Variants in TSLP observed in about 807,000 individuals in gnomAD.
TSLP encodes the protein thymic stroma-derived lymphopoietin.
TSLP carries 12 observed loss-of-function variants against 12.4 expected under a neutral mutation model. That is an observed-to-expected ratio of 0.97 (90% confidence interval 0.62 to 1.57). TSLP has a LOEUF of 1.57. Among genes scored for constraint, TSLP ranks in the 40% most tolerant of loss-of-function variants. The pLI, the probability that TSLP is intolerant of heterozygous loss-of-function variation, is 0.00. For missense variants in TSLP, 222 were observed against 189.6 expected (o/e 1.17, Z -1.00); for synonymous variants, 97 against 69.5 (o/e 1.40, Z -1.97).
In TSLP at chr5:111,076,637, C is replaced by T. The variant is rs1752514493; in HGVS notation, c.*563C>T. 2 of 152,428 alleles carry T rather than the reference C, an allele frequency of 1.3e-5. No individual in the cohort carries two copies. Among genetic ancestry groups the T allele is most frequent in the South Asian group, 4.1e-4 (2 of 4,842 alleles). 9.4% of individuals were successfully genotyped at this position (152,428 alleles called of 1,614,324 possible). A position where few individuals can be genotyped will look rare whatever the true frequency, so the allele number is the denominator to read the frequency against. On this transcript the variant is annotated 3_prime_UTR_variant, in exon 4 of 4. Transcript: ENST00000344895. ...ATCTAACAGACAAGAGTGGTATATACAAGTAGATCCTGAGAAGTACCTTTG... is the reference window on the plus strand; with the variant it reads ...ATCTAACAGACAAGAGTGGTATATATAAGTAGATCCTGAGAAGTACCTTTG...
intron 3 of TSLP, among the ~76,000 whole-genome samples, chr5:111,074,766 C>A (rs749744208): frequency 6.6e-6 from 1 of 151,666 alleles, no homozygotes; most frequent in Non-Finnish European, 1.5e-5. Flanking sequence ...ACTACAGGTG[C>A]CCGCCACCAC....
Position 111,076,139 on chromosome 5 carries a change from C to A in TSLP, c.*65C>A. The A allele has an allele frequency of 6.5e-7, 1 of 1,542,978 alleles. No individual in the cohort carries two copies. ...AATCATCTTTATTAAGTAGATGAAA[C>A]ATTAACTCTAACTGTGACAAAGAAG... On this transcript the variant is annotated 3_prime_UTR_variant, in exon 4 of 4. Coordinates refer to ENST00000344895, the MANE Select transcript of TSLP (RefSeq NM_033035.5).
upstream of TSLP, chr5:111,071,426 G>C (rs116647695): frequency 1.3e-6 from 2 of 1,511,466 alleles, no homozygotes; most frequent in African/African-American, 1.4e-5. Flanking sequence ...GATTGGTCAC[G>C]GAAATGCCCT....
At chr5:111,072,753 G>T in intron 1 of TSLP, 135 bp from the exon 2 acceptor site, 1 of 865,916 alleles carries the variant, frequency 1.2e-6, no homozygotes, top group Non-Finnish European at 1.9e-6. Flanking sequence ...CCTTGTCAAT[G>T]ACATAGGAAA....
intron 2 of TSLP, chr5:111,073,310 C>T: frequency 1.4e-6 from 2 of 1,426,954 alleles, no homozygotes; most frequent in East Asian, 2.6e-5. Context: ...GAGTGCCCTC[C>T]GCCACCCTCG....
At position 111,074,627 on chromosome 5, in the gene TSLP, C is replaced by CTTTT. The variant is rs35180980; in HGVS notation, c.351+1000_351+1003dup. Among the ~76,000 whole-genome samples, 11 of 110,314 alleles carry CTTTT rather than the reference C, an allele frequency of 1.0e-4. 1 individual carries two copies. Among genetic ancestry groups the CTTTT allele is most frequent in the African/African-American group, 2.8e-4 (8 of 28,210 alleles). The allele number at this position is 110,314 out of a possible 152,430, so 72.4% of individuals were successfully genotyped here. Reference sequence around the variant, plus strand: ...TCTAGGTAGATGGACACGACTGTCACTTTTTTTTTTTTTTTTTTTTTGAGA... The same window carrying CTTTT: ...TCTAGGTAGATGGACACGACTGTCACTTTTTTTTTTTTTTTTTTTTTTTTTGAGA... On this transcript the variant is annotated intron_variant, in intron 3 of 3. Transcript: ENST00000344895.
intron 3 of TSLP, 53 bp from the exon 4 acceptor site, chr5:111,075,893 G>A: frequency 1.3e-6 from 2 of 1,588,262 alleles, no homozygotes; most frequent in Non-Finnish European, 1.7e-6. Flanking sequence ...GCTCTCAACA[G>A]TTACTAAAGA....
chr5:111,074,627 CTTT>C (rs35180980), intron 3 of TSLP, among the ~76,000 whole-genome samples: 1,115 of 110,280 alleles, frequency 0.01, 12 homozygotes, highest in African/African-American at 0.038. Flanking sequence ...ACGACTGTCA[CTTT>C]TTTTTTTTTT....
At position 111,073,537 on chromosome 5, in the gene TSLP, C is replaced by G. The variant is rs1347149502; in HGVS notation, c.243C>G (p.Ser81Arg). Residue 81 changes from serine to arginine, a missense_variant, in exon 3 of 4, where the codon AGC (serine) becomes AGG (arginine). Ser to Arg is a moderately radical substitution (Grantham distance 110). Coordinates refer to ENST00000344895, the MANE Select transcript of TSLP (RefSeq NM_033035.5). ...NRPHCLTEIQSLTFNPTAGCA... is the reference protein window; with the variant it reads ...NRPHCLTEIQRLTFNPTAGCA... ...CACATTGCCTTACTGAAATCCAGAGCCTAACCTTCAATCCCACCGCCGGCT... is the reference window on the plus strand; with the variant it reads ...CACATTGCCTTACTGAAATCCAGAGGCTAACCTTCAATCCCACCGCCGGCT... 6.2e-7 allele frequency: 1 copy of G among 1,614,192 alleles called. No individual in the cohort carries two copies. The highest frequency in any genetic ancestry group is 8.5e-7 in the Non-Finnish European group (1 of 1,180,038).
chr5:111,073,144 C>G (rs1007002867), intron 2 of TSLP, among the ~76,000 whole-genome samples: 1 of 152,210 alleles, frequency 6.6e-6, no homozygotes, highest in African/African-American at 2.4e-5. Context: ...AGTCTCTATC[C>G]GGAGGAAAGG....
At chr5:111,074,575 A>G (rs1752441631) in intron 3 of TSLP, among the ~76,000 whole-genome samples, 1 of 150,770 alleles carries the variant, frequency 6.6e-6, no homozygotes, top group Non-Finnish European at 1.5e-5. Context: ...GCTCCTTATT[A>G]GCCTAGTGGA....
rs148872695 is a variant in TSLP, at chr5:111,077,705, T to C, written c.*1631T>C. ...GAGGATTAGGGAGAAAGGAGACAAC[T>C]CAAAGTCATCCCATTAAGTGCAGTT... is the stretch of plus-strand genomic sequence containing the variant. On this transcript the variant is annotated 3_prime_UTR_variant, in exon 4 of 4. Coordinates refer to ENST00000344895, the MANE Select transcript of TSLP (RefSeq NM_033035.5). The C allele has an allele frequency of 3.9e-5, 6 of 152,782 alleles. No individual in the cohort carries two copies. In the East Asian group the frequency reaches 1.2e-3, roughly 29 times the overall value. The allele number at this position is 152,782 out of a possible 1,614,324, so 9.5% of individuals were successfully genotyped here.
Position 111,072,914 on chromosome 5 carries a change from C to G in TSLP, c.198C>G (p.Thr66=). Reference sequence around the variant, plus strand: ...CCAAAAGTACCGAGTTCAACAACACCGTCTCTTGTAGCAATCGGGTGAGTA... The same window carrying G: ...CCAAAAGTACCGAGTTCAACAACACGGTCTCTTGTAGCAATCGGGTGAGTA... ...SGTKSTEFNN[T]VSCSNRPHCL... Residue 66 remains threonine (T), a synonymous_variant, in exon 2 of 4, where the codon ACC becomes ACG. Transcript: ENST00000344895. The G allele has an allele frequency of 1.2e-6, 2 of 1,614,172 alleles. No individual in the cohort carries two copies. Among genetic ancestry groups the G allele is most frequent in the African/African-American group, 1.3e-5 (1 of 75,036 alleles).
At position 111,076,428 on chromosome 5, in the gene TSLP, T is replaced by C. The variant is rs914555850; in HGVS notation, c.*354T>C. On this transcript the variant is annotated 3_prime_UTR_variant, in exon 4 of 4. Coordinates refer to ENST00000344895, the MANE Select transcript of TSLP (RefSeq NM_033035.5). Reference sequence around the variant, plus strand: ...TGAACTCAATGATAGCACCTAAACTTACATTTAAAAGACAGACATTCCTTC... The same window carrying C: ...TGAACTCAATGATAGCACCTAAACTCACATTTAAAAGACAGACATTCCTTC... 8.1e-5 allele frequency: 15 copies of C among 185,608 alleles called. No homozygotes were observed. Among genetic ancestry groups the C allele is most frequent in the African/African-American group, 2.9e-4 (12 of 42,012 alleles). The allele number at this position is 185,608 out of a possible 1,614,324, so 11.5% of individuals were successfully genotyped here. A position where few individuals can be genotyped will look rare whatever the true frequency, so the allele number is the denominator to read the frequency against.
chr5:111,072,172 G>A (rs1205024353), intron 1 of TSLP, 111 bp downstream of exon 1: 3 of 903,010 alleles, frequency 3.3e-6, no homozygotes, highest in Admixed American at 5.6e-5. Flanking sequence ...AAAAAATCAT[G>A]GCCCCACATT....
chr5:111,071,959 A>G lies in TSLP; in HGVS notation c.69A>G (p.Val23=). Residue 23 remains valine, a synonymous_variant, in exon 1 of 4, where the codon GTA becomes GTG. Transcript: ENST00000344895. ...GGAAAATCTTCATCTTACAACTTGT[A>G]GGGCTGGTGTTAACTTACGACTTCA... ...SFRKIFILQL[V]GLVLTYDFTN... 6.2e-7 allele frequency: 1 copy of G among 1,614,222 alleles called. No individual in the cohort carries two copies. The highest frequency in any genetic ancestry group is 8.5e-7 in the Non-Finnish European group (1 of 1,180,032).
chr5:111,074,756 A>C (rs1752453281), intron 3 of TSLP, among the ~76,000 whole-genome samples: 1 of 151,692 alleles, frequency 6.6e-6, no homozygotes, highest in South Asian at 2.1e-4. Context: ...AGTAGCTGGA[A>C]CTACAGGTGC....
In TSLP at chr5:111,072,903, T is replaced by C; in HGVS notation, c.187T>C (p.Phe63Leu). The change falls in exon 2 of 4, where the codon TTC becomes CTC. Residue 63 changes from phenylalanine (F) to leucine (L), a missense_variant. Coordinates refer to ENST00000344895, the MANE Select transcript of TSLP (RefSeq NM_033035.5). ...TYMSGTKSTE[F>L]NNTVSCSNRP... ...TTTCTTCCAGACCAAAAGTACCGAG[T>C]TCAACAACACCGTCTCTTGTAGCAA... 6.2e-7 allele frequency: 1 copy of C among 1,614,204 alleles called. No homozygotes were observed. Among genetic ancestry groups the C allele is most frequent in the Non-Finnish European group, 8.5e-7 (1 of 1,180,030 alleles).
Position 111,075,996 on chromosome 5 carries a change from C to A in TSLP, c.402C>A (p.Thr134=), listed in dbSNP as rs11466747. Residue 134 remains threonine (T), a synonymous_variant, in exon 4 of 4, where the codon ACC becomes ACA. Transcript: ENST00000344895. ...AGAGGAGAAAAAGGAAAGTCACAAC[C>A]AATAAATGTCTGGAACAAGTGTCAC... ...MKKRRKRKVT[T]NKCLEQVSQL... 1.9e-6 allele frequency: 3 copies of A among 1,613,888 alleles called. No individual in the cohort carries two copies. The African/African-American group carries it at 4.0e-5, about 22-fold the overall frequency.
Sources: allele counts gnomAD v4.1 joint callset (sites outside exome capture counted in the v4.1 genomes callset), GRCh38; gene constraint gnomAD v4.1.1; transcripts MANE v1.5; gene names NCBI Gene and HGNC (gene_info 2026-07-23, HGNC 2026-07-21).